NRG3: variants seen among roughly 807,000 people sequenced by gnomAD.
NRG3 encodes neuregulin 3, also known as pro-neuregulin-3, membrane-bound isoform.
Under a neutral mutation model 66.9 loss-of-function variants are expected in NRG3, and 31 were observed. The ratio of observed to expected loss-of-function variants is 0.46; its 90% CI spans 0.35 to 0.63. NRG3 has a LOEUF of 0.63. Ranked by LOEUF, NRG3 falls within the 20% of genes least tolerant of loss-of-function variation. NRG3 has a pLI of 0.00. For missense variants in NRG3, 910 were observed against 878.9 expected (o/e 1.04, Z -0.45); for synonymous variants, 393 against 359.4 (o/e 1.09, Z -1.06).
At chr10:82,761,630 GA>G in intron 3 of NRG3, among the ~76,000 whole-genome samples, 1 of 151,772 alleles carries the variant, frequency 6.6e-6, no homozygotes, top group Admixed American at 6.6e-5. Flanking sequence ...AATTTTAAGA[GA>G]AGGAAAATCA....
intron 1 of NRG3, among the ~76,000 whole-genome samples, chr10:82,159,006 T>C (rs2071382628): frequency 6.6e-6 from 1 of 152,006 alleles, no homozygotes; most frequent in Non-Finnish European, 1.5e-5. Flanking sequence ...TGATAGTCTT[T>C]AGCTGTAGAT....
intron 3 of NRG3, among the ~76,000 whole-genome samples, chr10:82,745,242 C>T (rs992749843): frequency 1.3e-5 from 2 of 152,070 alleles, no homozygotes; most frequent in African/African-American, 2.4e-5. Context: ...GCACACTGCC[C>T]GACTTCACTG....
At chr10:82,568,421 A>C (rs922088116) in intron 2 of NRG3, among the ~76,000 whole-genome samples, 2 of 151,896 alleles carry the variant, frequency 1.3e-5, no homozygotes, top group African/African-American at 2.4e-5. Context: ...CCAGATCTTC[A>C]GGTATTAACA....
intron 1 of NRG3, among the ~76,000 whole-genome samples, chr10:81,942,481 T>C (rs978522837): frequency 2.0e-5 from 3 of 152,194 alleles, no homozygotes; most frequent in Non-Finnish European, 2.9e-5. Flanking sequence ...AGAAAACAAC[T>C]GTTATCAGCC....
chr10:82,133,718 A>G (rs909981079), intron 1 of NRG3, among the ~76,000 whole-genome samples: 1 of 152,068 alleles, frequency 6.6e-6, no homozygotes, highest in Non-Finnish European at 1.5e-5. Flanking sequence ...GCTGCAATGA[A>G]CATTCACATG....
At chr10:82,723,217 A>C (rs961735716) in intron 2 of NRG3, among the ~76,000 whole-genome samples, 2 of 152,220 alleles carry the variant, frequency 1.3e-5, no homozygotes, top group Non-Finnish European at 2.9e-5. Context: ...TAGTATAAAA[A>C]CAGAAAAACA....
intron 1 of NRG3, among the ~76,000 whole-genome samples, chr10:81,886,381 C>A (rs546738338): frequency 6.6e-6 from 1 of 152,134 alleles, no homozygotes; most frequent in East Asian, 1.9e-4. Context: ...ATTGTGGTTT[C>A]TATTAAAACG....
intron 1 of NRG3, among the ~76,000 whole-genome samples, chr10:82,024,049 GT>G (rs1161072343): frequency 6.6e-6 from 1 of 151,960 alleles, no homozygotes; most frequent in Non-Finnish European, 1.5e-5. Flanking sequence ...GCTTGTTGAG[GT>G]TTTCTATTTC....
intron 1 of NRG3, among the ~76,000 whole-genome samples, chr10:82,000,413 G>T (rs1415962342): frequency 6.6e-6 from 1 of 152,050 alleles, no homozygotes; most frequent in Non-Finnish European, 1.5e-5. Flanking sequence ...GTGAGCCATG[G>T]GGTAACATTG....
chr10:82,060,550 C>T (rs2064089186), intron 1 of NRG3, among the ~76,000 whole-genome samples: 1 of 152,146 alleles, frequency 6.6e-6, no homozygotes, highest in South Asian at 2.1e-4. Flanking sequence ...ATAATGATTT[C>T]AAGAATGTGC....
rs975778849 is a variant in NRG3 at position 82,976,834 on chromosome 10, C to T, written c.1413-2116C>T. Among the ~76,000 whole-genome samples, 6 of 152,044 alleles carry T rather than the reference C, an allele frequency of 3.9e-5. No homozygotes were observed. In the South Asian group the frequency reaches 6.2e-4, roughly 16 times the overall value. On this transcript the variant is annotated intron_variant, in intron 7 of 8. Transcript: ENST00000372141. ...TTCTGGGGCCATGGAGCCTGCAGTG[C>T]GGCCCCCTCCTTACAACTCACTTTC...
chr10:82,053,236 A>C (rs553982175), intron 1 of NRG3, among the ~76,000 whole-genome samples: 15 of 152,188 alleles, frequency 9.9e-5, no homozygotes, highest in South Asian at 6.2e-4. Context: ...CTGATATTTC[A>C]GTAGTCCAAC....
chr10:81,963,922 G>C (rs112423160), intron 1 of NRG3, among the ~76,000 whole-genome samples: 2,452 of 152,206 alleles, frequency 0.016, 29 homozygotes, highest in Middle Eastern at 0.034. Context: ...ATTAATCACT[G>C]TTTCATCTGT....
chr10:82,254,844 A>G (rs2077641439), intron 1 of NRG3, among the ~76,000 whole-genome samples: 1 of 151,396 alleles, frequency 6.6e-6, no homozygotes, highest in South Asian at 2.1e-4. Context: ...CCATGCAGAT[A>G]TAAATAAATA....
intron 3 of NRG3, among the ~76,000 whole-genome samples, chr10:82,834,271 C>T (rs1306281519): frequency 1.3e-5 from 2 of 152,098 alleles, no homozygotes; most frequent in African/African-American, 2.4e-5. Flanking sequence ...TATCCTTAAC[C>T]CTGCCCTGGA....
intron 4 of NRG3, 64 bp downstream of exon 4, chr10:82,865,501 G>A (rs1318252050): frequency 2.2e-5 from 32 of 1,472,622 alleles, no homozygotes; most frequent in Non-Finnish European, 2.9e-5. Context: ...TGTACATAGT[G>A]CTTTCCTTCT....
At chr10:82,387,599 C>T (rs2086088561) in intron 2 of NRG3, among the ~76,000 whole-genome samples, 1 of 152,168 alleles carries the variant, frequency 6.6e-6, no homozygotes, top group Non-Finnish European at 1.5e-5. Context: ...GATGAACCCT[C>T]ATGTTAGCAT....
At chr10:82,599,699 C>T (rs2047502986) in intron 2 of NRG3, among the ~76,000 whole-genome samples, 2 of 152,076 alleles carry the variant, frequency 1.3e-5, no homozygotes, top group Admixed American at 1.3e-4. Context: ...CGCCTGTAAT[C>T]CCAGCTACTT....
At chr10:82,242,190 C>G (rs2077035724) in intron 1 of NRG3, among the ~76,000 whole-genome samples, 1 of 152,272 alleles carries the variant, frequency 6.6e-6, no homozygotes, top group East Asian at 1.9e-4. Context: ...TAAGAAGACA[C>G]TCAGAAATGT....
Sources: allele counts gnomAD v4.1 joint callset (sites outside exome capture counted in the v4.1 genomes callset), GRCh38; gene constraint gnomAD v4.1.1; transcripts MANE v1.5; gene names NCBI Gene and HGNC (gene_info 2026-07-23, HGNC 2026-07-21).